IDH1: variants seen among roughly 807,000 people sequenced by gnomAD.
IDH1 encodes isocitrate dehydrogenase (NADP(+)) 1, also known as isocitrate dehydrogenase [NADP] cytoplasmic.
In IDH1, 33 loss-of-function variants were observed where a neutral mutation model predicts 46.1. The observed-to-expected ratio is 0.72, with a 90% CI of 0.54 to 0.96. The LOEUF (loss-of-function observed/expected upper bound fraction) is 0.96. Ranked by LOEUF, IDH1 falls within the 40% of genes least tolerant of loss-of-function variation. The pLI is 0.00. For missense variants in IDH1, 421 were observed against 515.7 expected, an observed-to-expected ratio of 0.82 and a Z score of 1.78; for synonymous variants, 144 against 172.8, an observed-to-expected ratio of 0.83 and a Z score of 1.31.
At chr2:208,245,066 A>G (rs1011276140) in intron 5 of IDH1, among the ~76,000 whole-genome samples, 1 of 152,226 alleles carries the variant, frequency 6.6e-6, no homozygotes, top group Non-Finnish European at 1.5e-5. Flanking sequence ...TTTAAGATAA[A>G]TGCATAATCA....
chr2:208,245,269 TA>T, intron 5 of IDH1, 49 bp downstream of exon 5: 1 of 922,608 alleles, frequency 1.1e-6, no homozygotes, highest in Non-Finnish European at 1.8e-6. Context: ...AAATATTATC[TA>T]AATCATTTGT....
At position 208,243,603 on chromosome 2, in the gene IDH1, T is replaced by G. The variant is rs773611901; in HGVS notation, c.522A>C (p.Glu174Asp). The change falls in exon 6 of 10, where the codon GAA (glutamate) becomes GAC (aspartate). Residue 174 changes from glutamate to aspartate, a missense_variant and splice_region_variant. Physicochemically the swap from Glu to Asp is conservative, Grantham distance 45. Coordinates refer to ENST00000345146, the MANE Select transcript of IDH1 (RefSeq NM_005896.4). ...KVTYLVHNFE[E>D]GGGVAMGMYN... ...ACATCCCCATGGCAACACCACCACCTTCTGTAGAGGAGAAGCCAGTGAGAG... is the reference window on the plus strand; with the variant it reads ...ACATCCCCATGGCAACACCACCACCGTCTGTAGAGGAGAAGCCAGTGAGAG... 16 of 1,612,792 alleles carry G rather than the reference T, an allele frequency of 9.9e-6. No homozygotes were observed. The highest frequency in any genetic ancestry group is 1.4e-5 in the Non-Finnish European group (16 of 1,178,836).
At position 208,243,503 on chromosome 2, in the gene IDH1, A is replaced by G. The variant is rs587778402; in HGVS notation, c.622T>C (p.Tyr208His). 7 of 1,613,870 alleles carry G rather than the reference A, an allele frequency of 4.3e-6. No homozygotes were observed. The Admixed American group carries it at 8.3e-5, about 19-fold the overall frequency. Reference sequence around the variant, plus strand: ...AGAATAGTGTTTTTGGTGCTCAGATACAAAGGCCAACCCTTAGACAGAGCC... The same window carrying G: ...AGAATAGTGTTTTTGGTGCTCAGATGCAAAGGCCAACCCTTAGACAGAGCC... Reference protein sequence around the residue: ...QMALSKGWPLYLSTKNTILKK... With the variant: ...QMALSKGWPLHLSTKNTILKK... The change falls in exon 6 of 10, where the codon TAT becomes CAT. Residue 208 changes from tyrosine (Y) to histidine (H), a missense_variant. Transcript: ENST00000345146.
chr2:208,236,567 A>G lies in IDH1; in HGVS notation c.*512T>C. The G allele has an allele frequency of 4.2e-6, 1 of 238,136 alleles. No individual in the cohort carries two copies. The highest frequency in any genetic ancestry group is 8.3e-6 in the Non-Finnish European group (1 of 120,988). 14.8% of individuals were successfully genotyped at this position (238,136 alleles called of 1,614,324 possible). On this transcript the variant is annotated 3_prime_UTR_variant, in exon 10 of 10. Transcript: ENST00000345146. ...TTACAAAAATGACTGCAGTATCTTC[A>G]ACACATTTGAGTTGCACTCCTACTT... is the stretch of plus-strand genomic sequence containing the variant.
intron 6 of IDH1, 89 bp from the exon 7 acceptor site, chr2:208,242,234 C>T (rs1333742440): frequency 8.2e-7 from 1 of 1,214,558 alleles, no homozygotes; most frequent in African/African-American, 1.5e-5. Context: ...GAAGACCGGA[C>T]ACACAAGAAG....
chr2:208,244,912 A>G (rs1321356076), intron 5 of IDH1, among the ~76,000 whole-genome samples: 2 of 152,262 alleles, frequency 1.3e-5, no homozygotes, highest in African/African-American at 4.8e-5. Context: ...AGAAAACTTC[A>G]GCAAATATAT....
chr2:208,248,397 A>C lies in IDH1; in HGVS notation c.386T>G (p.Ile129Ser). ...RLVSGWVKPIIIGRHAYGDQY... is the reference protein window; with the variant it reads ...RLVSGWVKPISIGRHAYGDQY... Reference sequence around the variant, plus strand: ...ATCCCCATAAGCATGACGACCTATGATGATAGGTTTTACCCATCCACTCAC... The same window carrying C: ...ATCCCCATAAGCATGACGACCTATGCTGATAGGTTTTACCCATCCACTCAC... The change falls in exon 4 of 10, where the codon ATC becomes AGC. Residue 129 changes from isoleucine (I) to serine (S), a missense_variant. Transcript: ENST00000345146. 2 of 1,614,036 alleles carry C rather than the reference A, an allele frequency of 1.2e-6. No individual in the cohort carries two copies. Among genetic ancestry groups the C allele is most frequent in the Non-Finnish European group, 8.5e-7 (1 of 1,179,980 alleles).
At chr2:208,241,361 A>G (rs1574403453) in intron 7 of IDH1, among the ~76,000 whole-genome samples, 1 of 149,822 alleles carries the variant, frequency 6.7e-6, no homozygotes, top group East Asian at 2.0e-4. Flanking sequence ...AGTGCCAGGG[A>G]CTATAGGCAT....
intron 2 of IDH1, among the ~76,000 whole-genome samples, chr2:208,251,836 TC>T (rs371170575): frequency 6.6e-6 from 1 of 151,902 alleles, no homozygotes; most frequent in Non-Finnish European, 1.5e-5. Context: ...GGCCATCATT[TC>T]CCCATTTTAC....
intron 6 of IDH1, among the ~76,000 whole-genome samples, 166 bp downstream of exon 6, chr2:208,243,261 T>C (rs1389991449): frequency 6.6e-6 from 1 of 152,190 alleles, no homozygotes; most frequent in Non-Finnish European, 1.5e-5. Flanking sequence ...GTCAGAGTGG[T>C]TTTGTTTCAC....
chr2:208,254,623 C>T (rs1443625751), intron 1 of IDH1, among the ~76,000 whole-genome samples: 4 of 152,244 alleles, frequency 2.6e-5, no homozygotes, highest in Non-Finnish European at 1.5e-5. Flanking sequence ...TTGCAACTTC[C>T]ACCCCTCGAT....
chr2:208,240,166 C>T, intron 7 of IDH1, 163 bp from the exon 8 acceptor site: 1 of 737,404 alleles, frequency 1.4e-6, no homozygotes, highest in Non-Finnish European at 2.4e-6. Flanking sequence ...AGGCAGGATC[C>T]CCGCTCCAGA....
intron 9 of IDH1, among the ~76,000 whole-genome samples, chr2:208,237,669 C>T (rs1038631487): frequency 6.6e-6 from 1 of 151,776 alleles, no homozygotes; most frequent in Non-Finnish European, 1.5e-5. Context: ...GCCTATAATC[C>T]CAGCACTTTG....
At chr2:208,244,811 T>A (rs1422888995) in intron 5 of IDH1, among the ~76,000 whole-genome samples, 1 of 152,188 alleles carries the variant, frequency 6.6e-6, no homozygotes, top group Non-Finnish European at 1.5e-5. Context: ...TGGGTGGGAT[T>A]TGCCATCAAA....
chr2:208,241,252 T>G (rs1235842528), intron 7 of IDH1, among the ~76,000 whole-genome samples: 1 of 152,052 alleles, frequency 6.6e-6, no homozygotes, highest in Non-Finnish European at 1.5e-5. Context: ...GAGACAAGAG[T>G]CTTGCTCTGT....
At chr2:208,242,850 C>T (rs186163757) in intron 6 of IDH1, among the ~76,000 whole-genome samples, 7 of 151,964 alleles carry the variant, frequency 4.6e-5, no homozygotes, top group Non-Finnish European at 7.4e-5. Context: ...CTGCAACCTC[C>T]GCCTCCCGGG....
At position 208,240,003 on chromosome 2, in the gene IDH1, C is replaced by G. The variant is rs1386075261; in HGVS notation, c.851G>C (p.Gly284Ala). ...GDVQSDSVAQ[G>A]YGSLGMMTSV... is the part of the protein sequence containing the mutation. ...GGTCATCATGCCGAGAGAGCCATAC[C>G]CTGTAAGTAGTGGAGCATGAAGCGT... Residue 284 changes from glycine to alanine, a missense_variant and splice_region_variant, in exon 8 of 10, where the codon GGG becomes GCG. Coordinates refer to ENST00000345146, the MANE Select transcript of IDH1 (RefSeq NM_005896.4). The G allele has an allele frequency of 6.2e-7, 1 of 1,614,126 alleles. No individual in the cohort carries two copies. Among genetic ancestry groups the G allele is most frequent in the Non-Finnish European group, 8.5e-7 (1 of 1,180,018 alleles).
rs750457328 is a variant in IDH1, at chr2:208,239,064, T to TA, written c.1154+6dup. 59 of 1,613,366 alleles carry TA rather than the reference T, an allele frequency of 3.7e-5. No individual in the cohort carries two copies. Among genetic ancestry groups the TA allele is most frequent in the Middle Eastern group, 3.3e-4 (2 of 6,032 alleles). On this transcript the variant is annotated splice_region_variant and intron_variant, in intron 9 of 9. Coordinates refer to ENST00000345146, the MANE Select transcript of IDH1 (RefSeq NM_005896.4). The stretch of plus-strand genomic sequence containing the variant: ...TGACCATAGAAACTAGGGCATCTTA[T>TA]ACTTACTTGGGTAAACCTTTAATGC...
Position 208,245,438 on chromosome 2 carries a change from A to G in IDH1, c.415-14T>C, listed in dbSNP as rs759561216. ...AGTTGCTCTGTACTGTGTAGAGGGGAAAAAGGTATAAAGAAAAAAAAAATA... is the reference window on the plus strand; with the variant it reads ...AGTTGCTCTGTACTGTGTAGAGGGGGAAAAGGTATAAAGAAAAAAAAAATA... On this transcript the variant is annotated splice_polypyrimidine_tract_variant and intron_variant, in intron 4 of 9. Coordinates refer to ENST00000345146, the MANE Select transcript of IDH1 (RefSeq NM_005896.4). 4 of 1,392,250 alleles carry G rather than the reference A, an allele frequency of 2.9e-6. No individual in the cohort carries two copies. Among genetic ancestry groups the G allele is most frequent in the South Asian group, 2.3e-5 (2 of 86,448 alleles). The allele number at this position is 1,392,250 out of a possible 1,614,324, so 86.2% of individuals were successfully genotyped here.
Sources: allele counts gnomAD v4.1 joint callset (sites outside exome capture counted in the v4.1 genomes callset), GRCh38; gene constraint gnomAD v4.1.1; transcripts MANE v1.5; gene names NCBI Gene and HGNC (gene_info 2026-07-23, HGNC 2026-07-21).